The following MTRF1 variants were observed in gnomAD, a reference collection of about 807,000 sequenced individuals.
The protein encoded by MTRF1 is peptide chain release factor 1, mitochondrial.
In MTRF1, 51 loss-of-function variants were observed where a neutral mutation model predicts 62.9. The ratio of observed to expected loss-of-function variants is 0.81; its 90% confidence interval spans 0.65 to 1.02. The LOEUF (loss-of-function observed/expected upper bound fraction) is 1.02. MTRF1 is among the 50% of genes least tolerant of loss of function. The pLI, the probability that MTRF1 is intolerant of heterozygous loss-of-function variation, is 0.00. For synonymous variants in MTRF1, 158 were observed against 181.9 expected, an observed-to-expected ratio of 0.87 and a Z score of 1.06; for missense variants, 446 against 530.0, an observed-to-expected ratio of 0.84 and a Z score of 1.56.
chr13:41,292,257 A>T, the MTRF1 span, among the ~76,000 whole-genome samples: 2 of 152,222 alleles, frequency 1.3e-5, no homozygotes, highest in South Asian at 2.1e-4. Flanking sequence ...TTCTTATTCA[A>T]TTCAGCCAGT....
chr13:41,285,018 C>T, the MTRF1 span, among the ~76,000 whole-genome samples: 1 of 152,154 alleles, frequency 6.6e-6, no homozygotes, highest in African/African-American at 2.4e-5. Context: ...CATCATCTCC[C>T]TGAGTAAATA....
chr13:41,311,708 C>T, the MTRF1 span: 35 of 881,256 alleles, frequency 4.0e-5, no homozygotes, highest in African/African-American at 4.6e-4. Flanking sequence ...CTTTGTTTAC[C>T]TCGGAGGTCG....
chr13:41,247,860 C>T (rs978566581), intron 5 of MTRF1, among the ~76,000 whole-genome samples: 1 of 152,052 alleles, frequency 6.6e-6, no homozygotes, highest in African/African-American at 2.4e-5. Flanking sequence ...ACATTGGGCC[C>T]ACTGTGAGAT....
chr13:41,241,732 A>T (rs1461682148), intron 5 of MTRF1, among the ~76,000 whole-genome samples: 1 of 152,222 alleles, frequency 6.6e-6, no homozygotes, highest in East Asian at 1.9e-4. Flanking sequence ...GCTGACCTGT[A>T]GAATTTCCAA....
intron 7 of MTRF1, among the ~76,000 whole-genome samples, chr13:41,227,732 T>C (rs1432172113): frequency 6.6e-6 from 1 of 152,210 alleles, no homozygotes; most frequent in Non-Finnish European, 1.5e-5. Flanking sequence ...TGGTAAATAT[T>C]TTGCTGGAGA....
upstream of MTRF1, among the ~76,000 whole-genome samples, chr13:41,267,670 AC>A (rs1251384447): frequency 6.6e-6 from 1 of 152,142 alleles, no homozygotes; most frequent in Non-Finnish European, 1.5e-5. Context: ...GGAGTTTGAG[AC>A]CAGCCTAGGC....
At chr13:41,273,101 T>G in the MTRF1 span, among the ~76,000 whole-genome samples, 1 of 151,516 alleles carries the variant, frequency 6.6e-6, no homozygotes. Flanking sequence ...CCGAGGCGGG[T>G]GGATCACGAG....
At chr13:41,255,081 T>C (rs920574870) in intron 2 of MTRF1, among the ~76,000 whole-genome samples, 5 of 152,210 alleles carry the variant, frequency 3.3e-5, no homozygotes, top group African/African-American at 1.2e-4. Context: ...GAGCATTTCC[T>C]GTCCAAAGGT....
At position 41,218,124 on chromosome 13, in the gene MTRF1, CT is replaced by C. The variant is rs993379383; in HGVS notation, c.1225-897del. Among the ~76,000 whole-genome samples, 19 of 150,942 alleles carry C rather than the reference CT, an allele frequency of 1.3e-4. No homozygotes were observed. In the East Asian group the frequency reaches 3.7e-3, roughly 29 times the overall value. The stretch of plus-strand genomic sequence containing the variant: ...GTCTATATTGTGCTGATTGACTAAT[CT>C]TTTTTTTTGAGACTGGCTCTTGCTC... On this transcript the variant is annotated intron_variant, in intron 9 of 9. Transcript: ENST00000379480.
chr13:41,264,160 C>A (rs2040755815), upstream of MTRF1, among the ~76,000 whole-genome samples: 1 of 152,200 alleles, frequency 6.6e-6, no homozygotes, highest in Non-Finnish European at 1.5e-5. Context: ...TCTATACTTT[C>A]AGCTTCCATT....
At chr13:41,259,657 C>T (rs1235710436) in intron 2 of MTRF1, among the ~76,000 whole-genome samples, 3 of 147,358 alleles carry the variant, frequency 2.0e-5, no homozygotes, top group Non-Finnish European at 4.5e-5. Flanking sequence ...AGCCGAGATC[C>T]CGCCACTGCA....
the MTRF1 span, chr13:41,288,425 G>A: frequency 2.3e-5 from 4 of 171,668 alleles, no homozygotes; most frequent in South Asian, 1.3e-4. Context: ...GGCAGGGGAT[G>A]GGGTGCCAAG....
At chr13:41,242,856 G>C (rs2037704606) in intron 5 of MTRF1, among the ~76,000 whole-genome samples, 1 of 152,032 alleles carries the variant, frequency 6.6e-6, no homozygotes, top group African/African-American at 2.4e-5. Context: ...AGCTGAGGGG[G>C]GCAGACAGCG....
chr13:41,271,373 T>C, the MTRF1 span, among the ~76,000 whole-genome samples: 2 of 152,160 alleles, frequency 1.3e-5, no homozygotes, highest in African/African-American at 4.8e-5. Context: ...ACCTACAGAA[T>C]GCTCAAAAGG....
chr13:41,258,577 A>C (rs558316920), intron 2 of MTRF1, among the ~76,000 whole-genome samples: 1 of 40,962 alleles, frequency 2.4e-5, no homozygotes, highest in Non-Finnish European at 6.3e-5. Context: ...AAAAAAAACA[A>C]AAAAAAAAAA....
intron 5 of MTRF1, among the ~76,000 whole-genome samples, chr13:41,246,822 T>A (rs1352175430): frequency 6.6e-6 from 1 of 152,248 alleles, no homozygotes; most frequent in African/African-American, 2.4e-5. Context: ...TTGAATATTA[T>A]AAGAGAAGAC....
the MTRF1 span, among the ~76,000 whole-genome samples, chr13:41,278,022 A>G: frequency 6.6e-6 from 1 of 152,250 alleles, no homozygotes; most frequent in African/African-American, 2.4e-5. Flanking sequence ...ATACTGCTAT[A>G]TTACTAGGAT....
At chr13:41,255,777 T>C (rs2039631522) in intron 2 of MTRF1, among the ~76,000 whole-genome samples, 1 of 152,218 alleles carries the variant, frequency 6.6e-6, no homozygotes, top group Admixed American at 6.5e-5. Context: ...GGCCTTTTTC[T>C]GTTATTTCCA....
In MTRF1 at chr13:41,263,540, G is replaced by A. The variant is rs1009926895; in HGVS notation, c.-64C>T. On this transcript the variant is annotated 5_prime_UTR_variant, in exon 1 of 10. Transcript: ENST00000379480. ...CTTTACTGAGGTCGGAACCTTCCGA[G>A]ACCCGCCACATTTCAGCCCGACAAA... The A allele has an allele frequency of 4.7e-6, 1 of 213,632 alleles. No homozygotes were observed. The highest frequency in any genetic ancestry group is 2.3e-5 in the African/African-American group (1 of 43,046). 13.2% of individuals were successfully genotyped at this position (213,632 alleles called of 1,614,324 possible).
Sources: allele counts gnomAD v4.1 joint callset (sites outside exome capture counted in the v4.1 genomes callset), GRCh38; gene constraint gnomAD v4.1.1; transcripts MANE v1.5; gene names NCBI Gene and HGNC (gene_info 2026-07-23, HGNC 2026-07-21).